ARL6IP4: variants seen among roughly 807,000 people sequenced by gnomAD.
ARL6IP4 encodes ARF like GTPase 6 interacting protein 4, also known as ADP-ribosylation factor-like protein 6-interacting protein 4.
ARL6IP4 carries 24 observed loss-of-function variants against 28.1 expected under a neutral mutation model. The ratio of observed to expected loss-of-function variants is 0.86; its 90% confidence interval spans 0.62 to 1.20. The LOEUF is 1.20. ARL6IP4 is among the 50% of genes most tolerant of loss of function. ARL6IP4 has a pLI of 0.00. For missense variants in ARL6IP4, 343 were observed against 302.4 expected, an observed-to-expected ratio of 1.13 and a Z score of -1.00; for synonymous variants, 162 against 122.3, an observed-to-expected ratio of 1.32 and a Z score of -2.14.
chr12:122,982,523 CAG>C lies in ARL6IP4; in HGVS notation c.648_649del (p.Glu216AspfsTer49), dbSNP rs766518769. ...LEEIVTKERHREINKQATRGD... is the reference protein window; with the variant it reads ...LEEIVTKERHXEINKQATRGD... ...AGGAAATCGTAACCAAAGAACGACA[CAG>C]AGAGATCAACAAGGTGGGTGTGGCC... On this transcript the variant is annotated frameshift_variant, in exon 5 of 6. Coordinates refer to ENST00000315580, the MANE Select transcript of ARL6IP4 (RefSeq NM_018694.4). LOFTEE classifies it high-confidence loss of function. 3.1e-6 allele frequency: 5 copies of C among 1,614,058 alleles called. No individual in the cohort carries two copies. The highest frequency in any genetic ancestry group is 4.2e-6 in the Non-Finnish European group (5 of 1,180,026).
rs1257174271 is a variant in ARL6IP4 at position 122,980,764 on chromosome 12, C to G, written c.-12+19C>G. 1 of 1,309,174 alleles carries G rather than the reference C, an allele frequency of 7.6e-7. No homozygotes were observed. Among genetic ancestry groups the G allele is most frequent in the African/African-American group, 1.5e-5 (1 of 64,636 alleles). 81.1% of individuals were successfully genotyped at this position (1,309,174 alleles called of 1,614,324 possible). Reference sequence around the variant, plus strand: ...GGTCGAGGTGGGAACGGAGCAGCCCCGGGGGCCCCCTTGAGGCGGCGAGGC... The same window carrying G: ...GGTCGAGGTGGGAACGGAGCAGCCCGGGGGGCCCCCTTGAGGCGGCGAGGC... On this transcript the variant is annotated intron_variant, in intron 1 of 5. Coordinates refer to ENST00000315580, the MANE Select transcript of ARL6IP4 (RefSeq NM_018694.4).
chr12:122,980,865 A>C, intron 1 of ARL6IP4, 120 bp downstream of exon 1: 1 of 1,333,658 alleles, frequency 7.5e-7, no homozygotes, highest in Non-Finnish European at 9.5e-7. Flanking sequence ...GACGGCGGCC[A>C]GTTCCCAGGG....
chr12:122,980,874 G>A, intron 1 of ARL6IP4, 129 bp downstream of exon 1: 2 of 1,347,356 alleles, frequency 1.5e-6, no homozygotes, highest in Non-Finnish European at 1.9e-6. Context: ...CAGTTCCCAG[G>A]GGTTTGGAGC....
At chr12:122,981,026 G>GT in intron 1 of ARL6IP4, 103 bp from the exon 2 acceptor site, 1 of 1,427,464 alleles carries the variant, frequency 7.0e-7, no homozygotes. Flanking sequence ...ACGGTGACGG[G>GT]TACTGGGCGT....
At chr12:122,980,416 A>G, upstream of ARL6IP4, 1 of 1,365,284 alleles carries the variant, frequency 7.3e-7, no homozygotes, top group South Asian at 2.0e-5. Context: ...GCCGGGGAGG[A>G]GGGCGGCGCG....
Position 122,981,145 on chromosome 12 carries a change from T to G in ARL6IP4, c.6T>G (p.Ala2=), listed in dbSNP as rs1435557603. M[A]HVGSRKRSRS... is the part of the protein sequence containing the mutation. ...CGTCGCCAGCCCGCGGCGCCATGGC[T>G]CACGTCGGCTCCCGCAAGCGCTCGA... The change falls in exon 2 of 6, where the codon GCT becomes GCG. Residue 2 remains alanine, a synonymous_variant. Coordinates refer to ENST00000315580, the MANE Select transcript of ARL6IP4 (RefSeq NM_018694.4). 6.5e-7 allele frequency: 1 copy of G among 1,548,562 alleles called. No individual in the cohort carries two copies. The highest frequency in any genetic ancestry group is 8.7e-7 in the Non-Finnish European group (1 of 1,146,366).
Position 122,982,063 on chromosome 12 carries a change from G to C in ARL6IP4, c.576G>C (p.Thr192=). Residue 192 remains threonine (T), a synonymous_variant, in exon 4 of 6, where the codon ACG becomes ACC. Coordinates refer to ENST00000315580, the MANE Select transcript of ARL6IP4 (RefSeq NM_018694.4). The part of the protein sequence containing the change: ...SIIRKVVDPE[T]GRTRLIKGDG... ...TCCGCAAGGTGGTGGACCCTGAGAC[G>C]GGGCGCACCAGGTGGGGAGCTTTCG... 1.2e-6 allele frequency: 2 copies of C among 1,613,462 alleles called. No individual in the cohort carries two copies. The highest frequency in any genetic ancestry group is 1.7e-6 in the Non-Finnish European group (2 of 1,179,974).
rs548780039 is a variant in ARL6IP4 at position 122,981,138 on chromosome 12, C to T, written c.-2C>T. 2.8e-5 allele frequency: 44 copies of T among 1,548,234 alleles called. 1 individual carries two copies. The South Asian group carries it at 5.1e-4, about 18-fold the overall frequency. On this transcript the variant is annotated 5_prime_UTR_variant, in exon 2 of 6. Coordinates refer to ENST00000315580, the MANE Select transcript of ARL6IP4 (RefSeq NM_018694.4). Reference sequence around the variant, plus strand: ...TCTTCTTCGTCGCCAGCCCGCGGCGCCATGGCTCACGTCGGCTCCCGCAAG... The same window carrying T: ...TCTTCTTCGTCGCCAGCCCGCGGCGTCATGGCTCACGTCGGCTCCCGCAAG...
Position 122,981,317 on chromosome 12 carries a change from C to G in ARL6IP4, c.160+18C>G. 1 of 1,533,482 alleles carries G rather than the reference C, an allele frequency of 6.5e-7. No homozygotes were observed. Among genetic ancestry groups the G allele is most frequent in the Non-Finnish European group, 8.8e-7 (1 of 1,137,498 alleles). 95.0% of individuals were successfully genotyped at this position (1,533,482 alleles called of 1,614,324 possible). A position where few individuals can be genotyped will look rare whatever the true frequency, so the allele number is the denominator to read the frequency against. ...GGCGGAGGGTGAGGACCACAGGCAT[C>G]GGGGAGAGGAGGCGCAGTTACTACC... On this transcript the variant is annotated intron_variant, in intron 2 of 5. Transcript: ENST00000315580.
chr12:122,980,607 G>A (rs1408721689), upstream of ARL6IP4: 2 of 1,410,224 alleles, frequency 1.4e-6, no homozygotes, highest in Admixed American at 5.8e-5. Flanking sequence ...CGGAACCTGG[G>A]GCGTCAGAAC....
chr12:122,981,496 C>T (rs2135978271), intron 2 of ARL6IP4, 75 bp from the exon 3 acceptor site: 1 of 1,434,160 alleles, frequency 7.0e-7, no homozygotes, highest in Non-Finnish European at 9.2e-7. Flanking sequence ...AAGCGCTCAC[C>T]CTGTAGCCGG....
Position 122,981,752 on chromosome 12 carries a change from GA to G in ARL6IP4, c.344del (p.Lys115ArgfsTer7), listed in dbSNP as rs2037674425. ...AGTACAAGGACAAGAGGAGGAAGAA[GA>G]AGAAGAAGAGGAAGAAGCTGAAGAA... Reference protein sequence around the residue: ...GKYKDKRRKKKKKRKKLKKKG... With the variant: ...GKYKDKRRKKXKKRKKLKKKG... On this transcript the variant is annotated frameshift_variant, in exon 3 of 6. Coordinates refer to ENST00000315580, the MANE Select transcript of ARL6IP4 (RefSeq NM_018694.4). LOFTEE classifies it high-confidence loss of function. 1.3e-6 allele frequency: 2 copies of G among 1,551,692 alleles called. No individual in the cohort carries two copies. Among genetic ancestry groups the G allele is most frequent in the African/African-American group, 2.7e-5 (2 of 73,354 alleles).
At position 122,980,712 on chromosome 12, in the gene ARL6IP4, C is replaced by T. The variant is rs1193125642; in HGVS notation, c.-45C>T. On this transcript the variant is annotated 5_prime_UTR_variant, in exon 1 of 6. Transcript: ENST00000315580. ...GCCGCCGCTTCCTCTCGAGAAGGCGCGGGGCGGGCTGTCCGGCCCGCAGGG... is the reference window on the plus strand; with the variant it reads ...GCCGCCGCTTCCTCTCGAGAAGGCGTGGGGCGGGCTGTCCGGCCCGCAGGG... The T allele has an allele frequency of 5.3e-6, 7 of 1,328,018 alleles. No homozygotes were observed. Among genetic ancestry groups the T allele is most frequent in the African/African-American group, 1.5e-5 (1 of 64,908 alleles). 82.3% of individuals were successfully genotyped at this position (1,328,018 alleles called of 1,614,324 possible).
chr12:122,981,149 G>T lies in ARL6IP4; in HGVS notation c.10G>T (p.Val4Phe). The T allele has an allele frequency of 6.5e-7, 1 of 1,548,934 alleles. No individual in the cohort carries two copies. Among genetic ancestry groups the T allele is most frequent in the Non-Finnish European group, 8.7e-7 (1 of 1,146,434 alleles). Reference protein sequence around the residue: MAHVGSRKRSRSRS... With the variant: MAHFGSRKRSRSRS... ...GCCAGCCCGCGGCGCCATGGCTCAC[G>T]TCGGCTCCCGCAAGCGCTCGAGGAG... The change falls in exon 2 of 6, where the codon GTC (valine) becomes TTC (phenylalanine). Residue 4 changes from valine to phenylalanine, a missense_variant. By Grantham distance (50) the Val-to-Phe change is conservative (BLOSUM62 -1). Coordinates refer to ENST00000315580, the MANE Select transcript of ARL6IP4 (RefSeq NM_018694.4).
Position 122,980,693 on chromosome 12 carries a change from G to T in ARL6IP4, c.-64G>T, listed in dbSNP as rs1474665703. The T allele has an allele frequency of 3.7e-6, 5 of 1,337,858 alleles. No homozygotes were observed. In the African/African-American group the frequency reaches 7.7e-5, roughly 21 times the overall value. 82.9% of individuals were successfully genotyped at this position (1,337,858 alleles called of 1,614,324 possible). Reference sequence around the variant, plus strand: ...CCCGGCCGGAAGCCTCCTCGCCGCCGCTTCCTCTCGAGAAGGCGCGGGGCG... The same window carrying T: ...CCCGGCCGGAAGCCTCCTCGCCGCCTCTTCCTCTCGAGAAGGCGCGGGGCG... On this transcript the variant is annotated 5_prime_UTR_variant, in exon 1 of 6. Coordinates refer to ENST00000315580, the MANE Select transcript of ARL6IP4 (RefSeq NM_018694.4).
At chr12:122,981,418 A>C in intron 2 of ARL6IP4, 119 bp downstream of exon 2, 1 of 1,396,736 alleles carries the variant, frequency 7.2e-7, no homozygotes, top group Non-Finnish European at 9.4e-7. Flanking sequence ...TGTGAGGGCC[A>C]GGCGCCGCAG....
intron 2 of ARL6IP4, 23 bp from the exon 3 acceptor site, chr12:122,981,548 C>G (rs147470352): frequency 2.6e-6 from 4 of 1,521,634 alleles, no homozygotes; most frequent in Non-Finnish European, 3.5e-6. Context: ...GAAGGTTTAC[C>G]TCTTCCCCTC....
At chr12:122,981,915 C>T (rs1007774412) in intron 3 of ARL6IP4, 36 bp downstream of exon 3, 1 of 1,613,398 alleles carries the variant, frequency 6.2e-7, no homozygotes, top group Admixed American at 1.7e-5. Flanking sequence ...GGGAGAAGGT[C>T]GCTTCCCAAG....
chr12:122,982,165 TCCTGGTGCC>T, intron 4 of ARL6IP4, 91 bp downstream of exon 4: 1 of 1,463,260 alleles, frequency 6.8e-7, no homozygotes. Context: ...CGGGCGGGGT[TCCTGGTGCC>T]TGAAAAAGGC....
Sources: gnomAD v4.1 joint callset for allele counts on GRCh38, gnomAD v4.1.1 for gene constraint, MANE v1.5 for transcripts, NCBI Gene and HGNC (gene_info 2026-07-23, HGNC 2026-07-21) for gene names.